Variants in TBL1X observed in about 807,000 individuals in gnomAD.
TBL1X encodes the protein transducin beta like 1 X-linked.
TBL1X carries 10 observed loss-of-function variants against 50.7 expected under a neutral mutation model. The observed-to-expected ratio is 0.20, with a 90% CI of 0.12 to 0.33. The LOEUF is 0.33. Among genes scored for constraint, TBL1X ranks in the 10% least tolerant of loss-of-function variants. TBL1X has a pLI of 1.00. For synonymous variants in TBL1X, 190 were observed against 214.7 expected (o/e 0.88, Z 1.01); for missense variants, 340 against 504.4 (o/e 0.67, Z 3.12).
chrX:9,554,977 A>G (rs1291168744), intron 2 of TBL1X, among the ~76,000 whole-genome samples: 1 of 112,273 alleles, frequency 8.9e-6, no homozygotes, highest in Admixed American at 9.4e-5. Flanking sequence ...TTAGATATAA[A>G]TCCAATCATA....
chrX:9,545,567 C>A (rs777505876), intron 2 of TBL1X, among the ~76,000 whole-genome samples: 13 of 108,583 alleles, frequency 1.2e-4, no homozygotes, highest in African/African-American at 4.4e-4. Context: ...AAAATTCAAA[C>A]CCTCAGAAAA....
At chrX:9,677,647 T>C (rs1455432590) in intron 5 of TBL1X, among the ~76,000 whole-genome samples, 2 of 111,357 alleles carry the variant, frequency 1.8e-5, no homozygotes, top group Non-Finnish European at 3.8e-5. Context: ...TCTCGGTCCC[T>C]GTGTGTGATA....
intron 5 of TBL1X, among the ~76,000 whole-genome samples, chrX:9,682,519 A>T (rs780546849): frequency 2.3e-4 from 26 of 112,127 alleles, no homozygotes; most frequent in Non-Finnish European, 4.3e-4. Flanking sequence ...TGGATTGAGG[A>T]GGAGGGAGAG....
chrX:9,604,644 C>T lies in TBL1X; in HGVS notation c.-130-35629C>T, dbSNP rs112331451. On this transcript the variant is annotated intron_variant, in intron 2 of 17. Transcript: ENST00000645353. ...CTGTTGGCCACTGGGTGCGCGTGGG[C>T]TTCTCCACATGACAAGACGGGAATG... Among the ~76,000 whole-genome samples, 887 of 111,171 alleles carry T rather than the reference C, an allele frequency of 8.0e-3. 10 individuals carry two copies. Among genetic ancestry groups the T allele is most frequent in the African/African-American group, 0.027 (829 of 30,517 alleles).
At chrX:9,687,227 G>A (rs2732885) in intron 6 of TBL1X, among the ~76,000 whole-genome samples, 3,880 of 102,863 alleles carry the variant, frequency 0.038, 66 homozygotes, top group Non-Finnish European at 0.055. Flanking sequence ...TCAAAGAATG[G>A]TCAAAAAAAC....
intron 2 of TBL1X, among the ~76,000 whole-genome samples, chrX:9,513,747 A>G (rs1294722100): frequency 9.1e-6 from 1 of 110,254 alleles, no homozygotes; most frequent in Non-Finnish European, 1.9e-5. Context: ...GTCGCTGTAA[A>G]GGAATACCTG....
intron 5 of TBL1X, among the ~76,000 whole-genome samples, chrX:9,656,989 C>A (rs940445592): frequency 8.9e-6 from 1 of 112,022 alleles, no homozygotes; most frequent in Non-Finnish European, 1.9e-5. Flanking sequence ...TGTACTCTTA[C>A]TCCTGCACCC....
At chrX:9,634,572 G>C (rs995145693) in intron 2 of TBL1X, among the ~76,000 whole-genome samples, 5 of 110,974 alleles carry the variant, frequency 4.5e-5, no homozygotes, top group Admixed American at 9.6e-5. Context: ...GACTGGTCCT[G>C]AACTCCTGGC....
intron 2 of TBL1X, among the ~76,000 whole-genome samples, chrX:9,590,812 T>A: frequency 9.0e-6 from 1 of 111,323 alleles, no homozygotes. Flanking sequence ...TGCAGCATAC[T>A]TCATTTGATC....
chrX:9,693,276 G>A (rs2083110690), intron 10 of TBL1X, 46 bp from the exon 11 acceptor site: 2 of 1,207,684 alleles, frequency 1.7e-6, no homozygotes, highest in Non-Finnish European at 2.2e-6. Context: ...ACCCTTGAGT[G>A]AACAGACCAT....
At chrX:9,507,072 T>C (rs2082029672) in intron 2 of TBL1X, among the ~76,000 whole-genome samples, 1 of 111,716 alleles carries the variant, frequency 9.0e-6, no homozygotes, top group Admixed American at 9.5e-5. Context: ...TTCAACATAG[T>C]ATTGGAAGTT....
chrX:9,710,863 G>A (rs1450050848), intron 15 of TBL1X, among the ~76,000 whole-genome samples: 1 of 112,083 alleles, frequency 8.9e-6, no homozygotes. Context: ...TTACAGGCAT[G>A]ATCTACTGTA....
chrX:9,619,845 G>A (rs1394231577), intron 2 of TBL1X, among the ~76,000 whole-genome samples: 1 of 111,660 alleles, frequency 9.0e-6, no homozygotes, highest in Non-Finnish European at 1.9e-5. Flanking sequence ...CCAGTGCCAC[G>A]TCACCTACCT....
At chrX:9,581,556 G>T (rs2082442296) in intron 2 of TBL1X, among the ~76,000 whole-genome samples, 1 of 111,961 alleles carries the variant, frequency 8.9e-6, no homozygotes, top group South Asian at 3.8e-4. Flanking sequence ...GGGGGATGCT[G>T]TTGGCTAGTG....
At chrX:9,622,748 C>G (rs778045420) in intron 2 of TBL1X, among the ~76,000 whole-genome samples, 8 of 112,271 alleles carry the variant, frequency 7.1e-5, no homozygotes, top group Non-Finnish European at 1.3e-4. Flanking sequence ...GTGATCTGCT[C>G]ACCTTGGCCT....
intron 2 of TBL1X, among the ~76,000 whole-genome samples, chrX:9,551,969 C>T (rs2082273203): frequency 8.9e-6 from 1 of 111,863 alleles, no homozygotes; most frequent in Admixed American, 9.5e-5. Flanking sequence ...GAAGGGCCTG[C>T]AGGACCGGCT....
At chrX:9,681,434 T>C (rs976562327) in intron 5 of TBL1X, among the ~76,000 whole-genome samples, 19 of 112,488 alleles carry the variant, frequency 1.7e-4, no homozygotes, top group Non-Finnish European at 2.8e-4. Flanking sequence ...TTTGTCCTTA[T>C]GTGTGAAACA....
At chrX:9,472,263 C>T in intron 1 of TBL1X, among the ~76,000 whole-genome samples, 1 of 80,012 alleles carries the variant, frequency 1.2e-5, no homozygotes, top group South Asian at 5.4e-4. Context: ...TTCCTTAAAT[C>T]AATAATAACA....
rs1437186339 is a variant in TBL1X at position 9,709,298 on chromosome X, C to G, written c.1287C>G (p.Ser429=). 1 of 1,211,960 alleles carries G rather than the reference C, an allele frequency of 8.3e-7. No individual in the cohort carries two copies. The highest frequency in any genetic ancestry group is 2.2e-5 in the Admixed American group (1 of 46,119). The change falls in exon 14 of 18, where the codon TCC becomes TCG. Residue 429 remains serine, a synonymous_variant. Coordinates refer to ENST00000645353, the MANE Select transcript of TBL1X (RefSeq NM_005647.4). The stretch of plus-strand genomic sequence containing the variant: ...ATCCGTCTGGAATGTTGCTGGCATC[C>G]TGCTCGGATGACATGACATTGAAGG... ...KWDPSGMLLA[S]CSDDMTLKIW... is the part of the protein sequence containing the mutation.
Sources: allele counts gnomAD v4.1 joint callset (sites outside exome capture counted in the v4.1 genomes callset), GRCh38; gene constraint gnomAD v4.1.1; transcripts MANE v1.5; gene names NCBI Gene and HGNC (gene_info 2026-07-23, HGNC 2026-07-21).